JAK3: variants seen among roughly 807,000 people sequenced by gnomAD.
JAK3 encodes Janus kinase 3.
A neutral mutation model predicts 120.8 loss-of-function variants in JAK3; 88 were observed. The ratio of observed to expected loss-of-function variants is 0.73; its 90% CI spans 0.61 to 0.87. The LOEUF (loss-of-function observed/expected upper bound fraction) is 0.87. Ranked by LOEUF, JAK3 falls within the 40% of genes least tolerant of loss-of-function variation. The probability of loss-of-function intolerance (pLI) is 0.00; values close to 1 mark genes in which losing one functional copy is unlikely to be tolerated. For synonymous variants in JAK3, 592 were observed against 628.6 expected, an observed-to-expected ratio of 0.94 and a Z score of 0.87; for missense variants, 1,254 against 1,501.4, an observed-to-expected ratio of 0.84 and a Z score of 2.72.
rs369402343 is a variant in JAK3 at position 17,830,132 on chromosome 19, C to T, written c.3183G>A (p.Pro1061=). The change falls in exon 23 of 24, where the codon CCG becomes CCA. Residue 1061 remains proline (P), a synonymous_variant. Coordinates refer to ENST00000458235, the MANE Select transcript of JAK3 (RefSeq NM_000215.4). ...CCTCAGCAGGGCAGGCAGGAGGCGC[C>T]GGCAGCCTCTGGCCCTCCTCCAGCA... ...LELLEEGQRL[P]APPACPAEVH... The T allele has an allele frequency of 6.3e-7, 1 of 1,585,624 alleles. No individual in the cohort carries two copies. The highest frequency in any genetic ancestry group is 8.6e-7 in the Non-Finnish European group (1 of 1,167,336).
Position 17,841,398 on chromosome 19 carries a change from C to A in JAK3, c.1133G>T (p.Gly378Val). 1 of 1,550,314 alleles carries A rather than the reference C, an allele frequency of 6.5e-7. No individual in the cohort carries two copies. Among genetic ancestry groups the A allele is most frequent in the East Asian group, 2.4e-5 (1 of 41,222 alleles). ...LLEEVAEQCH[G>V]PITLDFAINK... ...GGGGACAGGTCCTTACGTGATGGGG[C>A]CGTGGCACTGCTCGGCCACTTCCTC... Residue 378 changes from glycine (G) to valine (V), a missense_variant, in exon 8 of 24, where the codon GGC becomes GTC. Gly to Val is a moderately radical substitution (Grantham distance 109). Coordinates refer to ENST00000458235, the MANE Select transcript of JAK3 (RefSeq NM_000215.4). This position sits in a 1 kb window ranked among gnomAD's most constrained non-coding sequence, Gnocchi z 4.1.
At position 17,841,573 on chromosome 19, in the gene JAK3, G is replaced by A; in HGVS notation, c.985-27C>T. 1 of 1,605,304 alleles carries A rather than the reference G, an allele frequency of 6.2e-7. No individual in the cohort carries two copies. Among genetic ancestry groups the A allele is most frequent in the African/African-American group, 1.3e-5 (1 of 74,876 alleles). On this transcript the variant is annotated intron_variant, in intron 7 of 23. Coordinates refer to ENST00000458235, the MANE Select transcript of JAK3 (RefSeq NM_000215.4). The surrounding 1 kb of genome is among the most constrained non-coding windows in gnomAD (Gnocchi z 4.1). ...TGCGAGGGACAAGCGTCAGAGCCCAGTGAAACCCGAGGGTGCCGGTCCCGC... is the reference window on the plus strand; with the variant it reads ...TGCGAGGGACAAGCGTCAGAGCCCAATGAAACCCGAGGGTGCCGGTCCCGC...
chr19:17,831,147 G>T lies in JAK3; in HGVS notation c.2978+81C>A. The T allele has an allele frequency of 6.8e-7, 1 of 1,477,708 alleles. No individual in the cohort carries two copies. 91.5% of individuals were successfully genotyped at this position (1,477,708 alleles called of 1,614,324 possible). A position where few individuals can be genotyped will look rare whatever the true frequency, so the allele number is the denominator to read the frequency against. The stretch of plus-strand genomic sequence containing the variant: ...GGGGCTAAGGCTGGGGAGCAAAGCA[G>T]CGGGAGGGGGCGGGGGCATGGCTGG... On this transcript the variant is annotated intron_variant, in intron 21 of 23. Transcript: ENST00000458235. The surrounding 1 kb of genome is among the most constrained non-coding windows in gnomAD (Gnocchi z 5.1).
intron 23 of JAK3, 96 bp from the exon 24 acceptor site, chr19:17,827,006 G>A (rs1343288066): frequency 1.3e-5 from 18 of 1,361,872 alleles, no homozygotes; most frequent in Non-Finnish European, 1.5e-5. Flanking sequence ...TTGAGACGGA[G>A]TCTAGCTCTG....
Position 17,843,558 on chromosome 19 carries a change from T to TG in JAK3, c.309-68dup, listed in dbSNP as rs1568407956. 2.4e-6 allele frequency: 3 copies of TG among 1,252,832 alleles called. No homozygotes were observed. The highest frequency in any genetic ancestry group is 2.5e-5 in the South Asian group (2 of 80,172). 77.6% of individuals were successfully genotyped at this position (1,252,832 alleles called of 1,614,324 possible). A position where few individuals can be genotyped will look rare whatever the true frequency, so the allele number is the denominator to read the frequency against. On this transcript the variant is annotated intron_variant, in intron 3 of 23. Coordinates refer to ENST00000458235, the MANE Select transcript of JAK3 (RefSeq NM_000215.4). This position sits in a 1 kb window ranked among gnomAD's most constrained non-coding sequence, Gnocchi z 5.4. ...AGCCTCAGTAGGAGTGACATTATGG[T>TG]GGGGGCGAGGGACAGATTCTGCGGA...
chr19:17,834,875 T>C lies in JAK3; in HGVS notation c.2176A>G (p.Ile726Val). 6.2e-7 allele frequency: 1 copy of C among 1,614,162 alleles called. No individual in the cohort carries two copies. Among genetic ancestry groups the C allele is most frequent in the East Asian group, 2.2e-5 (1 of 44,876 alleles). The change falls in exon 16 of 24, where the codon ATC becomes GTC. Residue 726 changes from isoleucine to valine, a missense_variant. By Grantham distance (29) the Ile-to-Val change is conservative (BLOSUM62 3). Around this residue, in one of 3 missense-constraint regions of JAK3, gnomAD observed 630 missense variants for 819.8 expected, o/e 0.77. Transcript: ENST00000458235. ...WEVFSGVTMP[I>V]SALDPAKKLQ... is the part of the protein sequence containing the mutation. ...ACCTTAGCAGGATCCAGGGCACTGA[T>C]GGGCATGGTGACGCCACTAAACACT...
chr19:17,832,962 G>A lies in JAK3; in HGVS notation c.2351-33C>T, dbSNP rs201974543. On this transcript the variant is annotated intron_variant, in intron 17 of 23. Coordinates refer to ENST00000458235, the MANE Select transcript of JAK3 (RefSeq NM_000215.4). This position sits in a 1 kb window ranked among gnomAD's most constrained non-coding sequence, Gnocchi z 4.7. Reference sequence around the variant, plus strand: ...GGGGGCATGGGCAGTGGTAAGCAGCGCCTCTCATCCTGGGCCCCACTCCTG... The same window carrying A: ...GGGGGCATGGGCAGTGGTAAGCAGCACCTCTCATCCTGGGCCCCACTCCTG... The A allele has an allele frequency of 2.7e-5, 43 of 1,597,886 alleles. No homozygotes were observed. The African/African-American group carries it at 3.5e-4, about 13-fold the overall frequency.
At chr19:17,829,726 T>C in intron 23 of JAK3, 1 of 373,808 alleles carries the variant, frequency 2.7e-6, no homozygotes, top group South Asian at 5.4e-5. Context: ...CACCCCAGCC[T>C]GGGCAACAGA....
rs927256627 is a variant in JAK3, at chr19:17,835,444, C to T, written c.1915-229G>A. The stretch of plus-strand genomic sequence containing the variant: ...ACCCCATCCTGTGACTCCCCAGTGC[C>T]TTTGACACAAAGTGAAAGCTCCTCA... On this transcript the variant is annotated intron_variant, in intron 14 of 23. Transcript: ENST00000458235. 7.9e-5 allele frequency among the ~76,000 whole-genome samples: 12 copies of T among 152,310 alleles called. No homozygotes were observed. In the South Asian group the frequency reaches 8.3e-4, roughly 11 times the overall value.
At chr19:17,830,008 C>A (rs767876961) in intron 23 of JAK3, 100 bp downstream of exon 23, 3 of 869,400 alleles carry the variant, frequency 3.5e-6, no homozygotes, top group Non-Finnish European at 5.6e-6. Context: ...CACACTCTAG[C>A]CTTTCTTCTC....
chr19:17,830,735 C>T (rs2094212462), intron 21 of JAK3, 115 bp from the exon 22 acceptor site: 3 of 801,022 alleles, frequency 3.7e-6, no homozygotes, highest in Non-Finnish European at 6.5e-6. Flanking sequence ...AGGTCAGTCC[C>T]GTCTCCAGGG....
chr19:17,834,392 C>A (rs936309524), intron 17 of JAK3, among the ~76,000 whole-genome samples, 179 bp downstream of exon 17: 2 of 152,096 alleles, frequency 1.3e-5, no homozygotes, highest in South Asian at 2.1e-4. Context: ...TCATGTTGAA[C>A]CTTGAACTGA....
Position 17,834,887 on chromosome 19 carries a change from C to T in JAK3, c.2164G>A (p.Val722Ile), listed in dbSNP as rs3213409. 15,743 of 1,614,140 alleles carry T rather than the reference C, an allele frequency of 9.8e-3. 120 individuals carry two copies. The highest frequency in any genetic ancestry group is 0.022 in the Middle Eastern group (134 of 6,062). Residue 722 changes from valine (V) to isoleucine (I), a missense_variant, in exon 16 of 24, where the codon GTC becomes ATC. This residue lies in a region of JAK3 where 630 missense variants were observed against 819.8 expected (regional missense o/e 0.77). Coordinates refer to ENST00000458235, the MANE Select transcript of JAK3 (RefSeq NM_000215.4). Reference sequence around the variant, plus strand: ...TCCAGGGCACTGATGGGCATGGTGACGCCACTAAACACTTCCCAGACCGTG... The same window carrying T: ...TCCAGGGCACTGATGGGCATGGTGATGCCACTAAACACTTCCCAGACCGTG... The part of the protein sequence containing the change: ...GATVWEVFSG[V>I]TMPISALDPA...
intron 23 of JAK3, among the ~76,000 whole-genome samples, chr19:17,828,239 GTTTTGTTT>G (rs2094207809): frequency 8.8e-6 from 1 of 113,116 alleles, no homozygotes; most frequent in Non-Finnish European, 1.6e-5. Context: ...GTTTTGTTTT[GTTTTGTTT>G]TGTTTTGTTT....
Position 17,831,843 on chromosome 19 carries a change from T to TC in JAK3, c.2681-46dup. The TC allele has an allele frequency of 6.2e-7, 1 of 1,605,842 alleles. No individual in the cohort carries two copies. The highest frequency in any genetic ancestry group is 8.5e-7 in the Non-Finnish European group (1 of 1,175,338). ...TCACAGCAGGGCCCAGCCCTGCTCG[T>TC]CCCCCCATTCTTCCCCCCTTTCACA... On this transcript the variant is annotated intron_variant, in intron 19 of 23. Transcript: ENST00000458235. This position sits in a 1 kb window ranked among gnomAD's most constrained non-coding sequence, Gnocchi z 5.1.
chr19:17,835,298 A>G, intron 14 of JAK3, 83 bp from the exon 15 acceptor site: 1 of 1,525,908 alleles, frequency 6.6e-7, no homozygotes, highest in Non-Finnish European at 8.8e-7. Flanking sequence ...ACATCCTTCA[A>G]AACCCACTTG....
At chr19:17,834,792 C>T in intron 16 of JAK3, 60 bp downstream of exon 16, 1 of 1,613,624 alleles carries the variant, frequency 6.2e-7, no homozygotes, top group South Asian at 1.1e-5. Context: ...GACTGGATGT[C>T]AGTCTGCCCT....
In JAK3 at chr19:17,834,957, C is replaced by T; in HGVS notation, c.2094G>A (p.Glu698=). 1.9e-6 allele frequency: 3 copies of T among 1,614,200 alleles called. No individual in the cohort carries two copies. The highest frequency in any genetic ancestry group is 2.5e-6 in the Non-Finnish European group (3 of 1,180,038). The stretch of plus-strand genomic sequence containing the variant: ...CAGCTTCCAAGCTAAGTGTCTGCGC[C>T]TCCCGGAGACACTCGGGGGCCACCC... ...IPWVAPECLR[E]AQTLSLEADK... The change falls in exon 16 of 24, where the codon GAG becomes GAA. Residue 698 remains glutamate (E), a synonymous_variant. Transcript: ENST00000458235.
rs2147694933 is a variant in JAK3 at position 17,841,502 on chromosome 19, C to T, written c.1029G>A (p.Ala343=). The T allele has an allele frequency of 6.4e-7, 1 of 1,574,614 alleles. No individual in the cohort carries two copies. The highest frequency in any genetic ancestry group is 2.3e-5 in the East Asian group (1 of 42,644). ...TCAGCCGGAAGTAGCCGTCCACGAGCGCCACGAACGACAGAGCCTCGGGCA... is the reference window on the plus strand; with the variant it reads ...TCAGCCGGAAGTAGCCGTCCACGAGTGCCACGAACGACAGAGCCTCGGGCA... The part of the protein sequence containing the change: ...PGLPEALSFV[A]LVDGYFRLTT... Residue 343 remains alanine, a synonymous_variant, in exon 8 of 24, where the codon GCG becomes GCA. Coordinates refer to ENST00000458235, the MANE Select transcript of JAK3 (RefSeq NM_000215.4). This position sits in a 1 kb window ranked among gnomAD's most constrained non-coding sequence, Gnocchi z 4.1.
Sources: gnomAD v4.1 joint callset for allele counts (sites outside exome capture counted in the v4.1 genomes callset) on GRCh38, gnomAD v4.1.1 for gene constraint, gnomAD v4.1.1 regional missense constraint, Gnocchi (gnomAD v3.1) non-coding constraint, MANE v1.5 for transcripts, NCBI Gene and HGNC (gene_info 2026-07-23, HGNC 2026-07-21) for gene names.